Variants in OR2T6 observed in about 807,000 individuals in gnomAD.
The protein encoded by OR2T6 is olfactory receptor family 2 subfamily T member 6, also known as olfactory receptor 2T6.
For synonymous variants in OR2T6, 174 were observed against 148.0 expected, an observed-to-expected ratio of 1.18 and a Z score of -1.27; for missense variants, 424 against 391.6, an observed-to-expected ratio of 1.08 and a Z score of -0.70.
chr1:248,381,471 C>G (rs1345746207), intron 1 of OR2T6, among the ~76,000 whole-genome samples: 5 of 152,024 alleles, frequency 3.3e-5, no homozygotes, highest in Admixed American at 3.3e-4. Context: ...ACAATAAATA[C>G]TTGAATGTAT....
At chr1:248,387,540 G>A in intron 2 of OR2T6, 65 bp from the exon 3 acceptor site, 1 of 989,220 alleles carries the variant, frequency 1.0e-6, no homozygotes, top group Admixed American at 2.3e-5. Flanking sequence ...ACATGTTTAA[G>A]TGATTTATCT....
At chr1:248,386,167 A>G (rs1194158566) in intron 2 of OR2T6, among the ~76,000 whole-genome samples, 2 of 152,182 alleles carry the variant, frequency 1.3e-5, no homozygotes, top group African/African-American at 4.8e-5. Flanking sequence ...GTGCACACAG[A>G]AGGGTCCAAG....
Position 248,383,137 on chromosome 1 carries a change from G to C in OR2T6, c.-158-1574G>C, listed in dbSNP as rs534975775. ...TCATCATGGAGAAAGCACTGCACTA[G>C]CCTGAGTGTGCTCATCCTATCCTGG... On this transcript the variant is annotated intron_variant, in intron 1 of 2. Transcript: ENST00000641644. 1.8e-3 allele frequency among the ~76,000 whole-genome samples: 171 copies of C among 94,064 alleles called. 5 individuals carry two copies. Among genetic ancestry groups the C allele is most frequent in the African/African-American group, 0.011 (159 of 14,802 alleles). 61.7% of individuals were successfully genotyped at this position (94,064 alleles called of 152,430 possible).
rs1041895209 is a variant in OR2T6 at position 248,375,866 on chromosome 1, C to G, written c.-347C>G. The G allele has an allele frequency of 2.0e-5, 3 of 150,334 alleles. No homozygotes were observed. The highest frequency in any genetic ancestry group is 4.4e-5 in the Non-Finnish European group (3 of 67,626). The allele number at this position is 150,334 out of a possible 1,614,324, so 9.3% of individuals were successfully genotyped here. A position where few individuals can be genotyped will look rare whatever the true frequency, so the allele number is the denominator to read the frequency against. ...TGGCACTCTCTTTTTTTTTTTGAAG[C>G]TTTTGCCTTTTAACCTGGATCTCCT... On this transcript the variant is annotated 5_prime_UTR_variant, in exon 1 of 3. Coordinates refer to ENST00000641644, the MANE Select transcript of OR2T6 (RefSeq NM_001005471.2).
rs371220147 is a variant in OR2T6, at chr1:248,387,635, C to T, written c.27C>T (p.Thr9=). 2 of 1,593,866 alleles carry T rather than the reference C, an allele frequency of 1.3e-6. No individual in the cohort carries two copies. The highest frequency in any genetic ancestry group is 3.4e-5 in the Admixed American group (2 of 59,334). The stretch of plus-strand genomic sequence containing the variant: ...TGAATGAAAACAATGAAACCTTGAC[C>T]AGAGGCTTTACCCTCATGGGGCTCT... MNENNETL[T]RGFTLMGLFT... Residue 9 remains threonine, a synonymous_variant, in exon 3 of 3, where the codon ACC becomes ACT. Coordinates refer to ENST00000641644, the MANE Select transcript of OR2T6 (RefSeq NM_001005471.2).
Position 248,387,973 on chromosome 1 carries a change from G to A in OR2T6, c.365G>A (p.Arg122His), listed in dbSNP as rs760588497. 2.7e-5 allele frequency: 43 copies of A among 1,608,852 alleles called. No individual in the cohort carries two copies. The South Asian group carries it at 2.8e-4, about 10-fold the overall frequency. Residue 122 changes from arginine (R) to histidine (H), a missense_variant, in exon 3 of 3, where the codon CGC becomes CAC. Physicochemically the swap from Arg to His is conservative, Grantham distance 29. Coordinates refer to ENST00000641644, the MANE Select transcript of OR2T6 (RefSeq NM_001005471.2). ...CTGCTGGGGCTCATGGCCTATGACC[G>A]CTACGTGGCCATCTGCAACCCACTG... ...FFLLGLMAYDRYVAICNPLRY... is the reference protein window; with the variant it reads ...FFLLGLMAYDHYVAICNPLRY...
In OR2T6 at chr1:248,388,137, T is replaced by A. The variant is rs766151233; in HGVS notation, c.529T>A (p.Phe177Ile). 1 of 1,613,798 alleles carries A rather than the reference T, an allele frequency of 6.2e-7. No individual in the cohort carries two copies. Among genetic ancestry groups the A allele is most frequent in the South Asian group, 1.1e-5 (1 of 91,032 alleles). The change falls in exon 3 of 3, where the codon TTT becomes ATT. Residue 177 changes from phenylalanine to isoleucine, a missense_variant. Physicochemically the swap from Phe to Ile is conservative, Grantham distance 21 (BLOSUM62 0). Coordinates refer to ENST00000641644, the MANE Select transcript of OR2T6 (RefSeq NM_001005471.2). ...CTGTGCCTCTCACCAAATCAATCAC[T>A]TTTTCTGTGAGGCACCCACCATGCT... ...PFCASHQINH[F>I]FCEAPTMLRL...
intron 1 of OR2T6, among the ~76,000 whole-genome samples, chr1:248,379,148 C>T (rs1283871647): frequency 6.6e-6 from 1 of 151,358 alleles, no homozygotes; most frequent in Non-Finnish European, 1.5e-5. Context: ...GTGCTCCAGC[C>T]CGAGGAACAG....
Position 248,388,680 on chromosome 1 carries a change from A to C in OR2T6, c.*145A>C. 1.8e-6 allele frequency: 1 copy of C among 545,258 alleles called. No individual in the cohort carries two copies. Among genetic ancestry groups the C allele is most frequent in the Non-Finnish European group, 3.1e-6 (1 of 322,748 alleles). 33.8% of individuals were successfully genotyped at this position (545,258 alleles called of 1,614,324 possible). A position where few individuals can be genotyped will look rare whatever the true frequency, so the allele number is the denominator to read the frequency against. ...CAGCTGTGCTAAATGGTGTATCAAC[A>C]GTACCCCCATCAAAAATGGGAAGTT... On this transcript the variant is annotated 3_prime_UTR_variant, in exon 3 of 3. Coordinates refer to ENST00000641644, the MANE Select transcript of OR2T6 (RefSeq NM_001005471.2).
At chr1:248,385,713 C>T (rs748121698) in intron 2 of OR2T6, among the ~76,000 whole-genome samples, 30 of 152,308 alleles carry the variant, frequency 2.0e-4, no homozygotes, top group Non-Finnish European at 4.3e-4. Context: ...ACAGGTGACA[C>T]GTGCTTTTTA....
intron 1 of OR2T6, among the ~76,000 whole-genome samples, chr1:248,382,142 CT>C (rs35884955): frequency 0.55 from 83,140 of 151,986 alleles, 23,168 homozygotes; most frequent in African/African-American, 0.64. Context: ...GGCTCCAGAG[CT>C]CTCTCTTTTT....
At chr1:248,382,892 T>G (rs1054198776) in intron 1 of OR2T6, among the ~76,000 whole-genome samples, 3 of 152,240 alleles carry the variant, frequency 2.0e-5, no homozygotes, top group Non-Finnish European at 2.9e-5. Flanking sequence ...AGTTTTATCC[T>G]CCACAACCCT....
In OR2T6 at chr1:248,387,863, T is replaced by C. The variant is rs61736242; in HGVS notation, c.255T>C (p.Tyr85=). The C allele has an allele frequency of 1.1e-3, 1,762 of 1,597,340 alleles. 18 individuals carry two copies. In the African/African-American group the frequency reaches 0.021, roughly 19 times the overall value. Residue 85 remains tyrosine (Y), a synonymous_variant, in exon 3 of 3, where the codon TAT becomes TAC. Transcript: ENST00000641644. ...TTGTGCCCAAGATGCTGGTAGATTA[T>C]CTCATGGGCGAGGGGACCATCTCTT... is the stretch of plus-strand genomic sequence containing the variant. ...STIVPKMLVD[Y]LMGEGTISFI... is the part of the protein sequence containing the mutation.
At chr1:248,386,885 G>A (rs6680240) in intron 2 of OR2T6, among the ~76,000 whole-genome samples, 9,233 of 152,176 alleles carry the variant, frequency 0.061, 960 homozygotes, top group African/African-American at 0.21. Flanking sequence ...TGGAACCATG[G>A]TTCCCACTTT....
At chr1:248,377,769 A>G (rs541658016) in intron 1 of OR2T6, among the ~76,000 whole-genome samples, 6 of 152,306 alleles carry the variant, frequency 3.9e-5, no homozygotes, top group African/African-American at 1.4e-4. Context: ...ATCTCCATTC[A>G]GTTCAGCAAA....
In OR2T6 at chr1:248,388,546, G is replaced by T. The variant is rs770112294; in HGVS notation, c.*11G>T. The T allele has an allele frequency of 1.2e-5, 19 of 1,541,020 alleles. No individual in the cohort carries two copies. The highest frequency in any genetic ancestry group is 1.7e-5 in the Non-Finnish European group (19 of 1,145,328). On this transcript the variant is annotated 3_prime_UTR_variant, in exon 3 of 3. Transcript: ENST00000641644. ...GTGGCAAGATGTTAGGGGACATGTG[G>T]TGTGATGAGGAAAGAATTCTGATGG...
chr1:248,378,016 T>G (rs557611866), intron 1 of OR2T6, among the ~76,000 whole-genome samples: 16 of 152,340 alleles, frequency 1.1e-4, no homozygotes, highest in African/African-American at 3.4e-4. Flanking sequence ...GAGCAATGTT[T>G]GATTTAGTCA....
chr1:248,389,442 T>C lies in OR2T6; in HGVS notation c.*907T>C, dbSNP rs1268112025. 1 of 152,198 alleles carries C rather than the reference T, an allele frequency of 6.6e-6. No homozygotes were observed. The highest frequency in any genetic ancestry group is 1.9e-4 in the East Asian group (1 of 5,198). The allele number at this position is 152,198 out of a possible 1,614,324, so 9.4% of individuals were successfully genotyped here. A position where few individuals can be genotyped will look rare whatever the true frequency, so the allele number is the denominator to read the frequency against. ...GCACTGGCTTTTGCATTGGATAGCA[T>C]TGCAAAGTGGGAAGGAAATACCCAG... is the stretch of plus-strand genomic sequence containing the variant. On this transcript the variant is annotated 3_prime_UTR_variant, in exon 3 of 3. Transcript: ENST00000641644.
At position 248,388,077 on chromosome 1, in the gene OR2T6, T is replaced by C; in HGVS notation, c.469T>C (p.Phe157Leu). 6.2e-7 allele frequency: 1 copy of C among 1,613,936 alleles called. No homozygotes were observed. The highest frequency in any genetic ancestry group is 8.5e-7 in the Non-Finnish European group (1 of 1,179,968). Residue 157 changes from phenylalanine (F) to leucine (L), a missense_variant, in exon 3 of 3, where the codon TTT (phenylalanine) becomes CTT (leucine). Transcript: ENST00000641644. ...SSWFGGALDS[F>L]LLTPITMSLP... ...TTGGTTCGGTGGGGCTTTGGACAGT[T>C]TTCTCCTCACCCCCATTACCATGAG...
Sources: allele counts gnomAD v4.1 joint callset (sites outside exome capture counted in the v4.1 genomes callset), GRCh38; gene constraint gnomAD v4.1.1; transcripts MANE v1.5; gene names NCBI Gene and HGNC (gene_info 2026-07-23, HGNC 2026-07-21).